SCGB2B2: variants seen among roughly 807,000 people sequenced by gnomAD.
The protein encoded by SCGB2B2 is secretoglobin family 2B member 2, also known as secretoglobin-like protein.
SCGB2B2 carries 11 observed loss-of-function variants against 7.6 expected under a neutral mutation model. The observed-to-expected ratio is 1.45, with a 90% confidence interval of 0.91 to 2.40. The LOEUF (loss-of-function observed/expected upper bound fraction) is 2.40. Ranked by LOEUF, SCGB2B2 falls within the 30% of genes most tolerant of loss-of-function variation. The pLI, the probability that SCGB2B2 is intolerant of heterozygous loss-of-function variation, is 0.00. For synonymous variants in SCGB2B2, 50 were observed against 48.6 expected, an observed-to-expected ratio of 1.03 and a Z score of -0.12; for missense variants, 104 against 115.4, an observed-to-expected ratio of 0.90 and a Z score of 0.45.
chr19:34,606,934 T>C (rs192726691), intron 1 of SCGB2B2, among the ~76,000 whole-genome samples: 157 of 152,208 alleles, frequency 1.0e-3, no homozygotes, highest in African/African-American at 3.5e-3. Flanking sequence ...CTCTCTACAA[T>C]AGAGTATTAT....
At chr19:34,630,784 A>G (rs575805653) in intron 1 of SCGB2B2, among the ~76,000 whole-genome samples, 1 of 152,242 alleles carries the variant, frequency 6.6e-6, no homozygotes, top group South Asian at 2.1e-4. Flanking sequence ...AAAGGATTAT[A>G]AATCATGCTG....
chr19:34,655,221 CATT>C (rs1040926989), intron 1 of SCGB2B2, among the ~76,000 whole-genome samples: 2 of 151,256 alleles, frequency 1.3e-5, no homozygotes, highest in Non-Finnish European at 2.9e-5. Flanking sequence ...AGACCTGCCT[CATT>C]ATACCCAATT....
At chr19:34,605,624 G>T (rs1168079352) in intron 1 of SCGB2B2, among the ~76,000 whole-genome samples, 1 of 152,136 alleles carries the variant, frequency 6.6e-6, no homozygotes, top group African/African-American at 2.4e-5. Context: ...TTGTTGCCCA[G>T]GCTGCCAGGC....
chr19:34,612,439 T>A (rs1169273807), intron 1 of SCGB2B2, among the ~76,000 whole-genome samples: 1 of 152,218 alleles, frequency 6.6e-6, no homozygotes. Context: ...ATAATCACAT[T>A]AGGGTAAATG....
intron 1 of SCGB2B2, among the ~76,000 whole-genome samples, chr19:34,652,950 G>A (rs866674248): frequency 3.3e-5 from 5 of 151,110 alleles, no homozygotes; most frequent in South Asian, 2.1e-4. Flanking sequence ...ACATGGAATC[G>A]ACTTAAGTGT....
At chr19:34,671,525 G>T (rs1318769631) in intron 1 of SCGB2B2, among the ~76,000 whole-genome samples, 2 of 151,902 alleles carry the variant, frequency 1.3e-5, no homozygotes, top group Non-Finnish European at 1.5e-5. Context: ...AAAGCATCGT[G>T]GGATTTTGAT....
chr19:34,616,276 A>G (rs1179223833), intron 1 of SCGB2B2, among the ~76,000 whole-genome samples: 1 of 148,770 alleles, frequency 6.7e-6, no homozygotes, highest in Non-Finnish European at 1.5e-5. Context: ...TGACTTACAC[A>G]ATGGTTGAAC....
intron 1 of SCGB2B2, among the ~76,000 whole-genome samples, chr19:34,647,777 A>G (rs35402677): frequency 4.6e-5 from 7 of 152,204 alleles, no homozygotes; most frequent in Non-Finnish European, 8.8e-5. Context: ...AGAAAATTGT[A>G]ATAGTGATGA....
At chr19:34,609,110 T>TAAA (rs1423585562) in intron 1 of SCGB2B2, among the ~76,000 whole-genome samples, 3 of 152,228 alleles carry the variant, frequency 2.0e-5, no homozygotes, top group African/African-American at 7.2e-5. Context: ...TGACCATTTG[T>TAAA]ATGTCATCTT....
rs1446851701 is a variant in SCGB2B2, at chr19:34,591,105, A to G, written c.*2450T>C. On this transcript the variant is annotated 3_prime_UTR_variant, in exon 4 of 4. Transcript: ENST00000601241. ...TTACATGTTTTTGTCTCCAGGCCCA[A>G]CTATTCCATGAGCTCCAAACTAGAG... is the stretch of plus-strand genomic sequence containing the variant. Among the ~76,000 whole-genome samples the G allele has an allele frequency of 6.6e-6, 1 of 152,150 alleles. No homozygotes were observed. Among genetic ancestry groups the G allele is most frequent in the Non-Finnish European group, 1.5e-5 (1 of 68,028 alleles).
chr19:34,635,466 T>C, intron 1 of SCGB2B2: 1 of 296,338 alleles, frequency 3.4e-6, no homozygotes, highest in South Asian at 4.2e-5. Context: ...TTTCTTGTGT[T>C]GAACAAGATG....
chr19:34,664,288 A>C (rs1402260842), intron 1 of SCGB2B2, among the ~76,000 whole-genome samples: 1 of 152,246 alleles, frequency 6.6e-6, no homozygotes, highest in Non-Finnish European at 1.5e-5. Flanking sequence ...TGCAGGCCCC[A>C]AGGCCAGACT....
chr19:34,641,385 GC>G (rs1049987531), intron 1 of SCGB2B2, among the ~76,000 whole-genome samples: 1 of 152,166 alleles, frequency 6.6e-6, no homozygotes, highest in Non-Finnish European at 1.5e-5. Flanking sequence ...CCGTGCTGAG[GC>G]CAAGTAAGTC....
intron 1 of SCGB2B2, 147 bp downstream of exon 1, chr19:34,675,483 C>A (rs2067900153): frequency 6.6e-6 from 1 of 152,244 alleles, no homozygotes. Flanking sequence ...ACCTACTTCC[C>A]AGACACTTAA....
chr19:34,593,108 G>A lies in SCGB2B2; in HGVS notation c.*447C>T, dbSNP rs895305960. 6.6e-6 allele frequency among the ~76,000 whole-genome samples: 1 copy of A among 152,120 alleles called. No homozygotes were observed. Among genetic ancestry groups the A allele is most frequent in the Non-Finnish European group, 1.5e-5 (1 of 68,030 alleles). ...AGGTTGAGGTAGGTGGATCATTTGC[G>A]GTCAGGAGTTTGAGACCAGCCTGGC... On this transcript the variant is annotated 3_prime_UTR_variant, in exon 4 of 4. Coordinates refer to ENST00000601241, the MANE Select transcript of SCGB2B2 (RefSeq NM_001025591.4).
Position 34,593,282 on chromosome 19 carries a change from TG to T in SCGB2B2, c.*272del. 2.6e-6 allele frequency: 1 copy of T among 390,004 alleles called. No individual in the cohort carries two copies. Among genetic ancestry groups the T allele is most frequent in the Non-Finnish European group, 4.7e-6 (1 of 214,870 alleles). The allele number at this position is 390,004 out of a possible 1,614,324, so 24.2% of individuals were successfully genotyped here. ...CTGCAGTGAGCCAAGATCGCGCCAA[TG>T]CACTCCAGCCACCCTCCTCCCCGCC... On this transcript the variant is annotated 3_prime_UTR_variant, in exon 4 of 4. Coordinates refer to ENST00000601241, the MANE Select transcript of SCGB2B2 (RefSeq NM_001025591.4).
At chr19:34,599,565 C>A (rs1294631381) in intron 1 of SCGB2B2, among the ~76,000 whole-genome samples, 1 of 152,246 alleles carries the variant, frequency 6.6e-6, no homozygotes, top group Middle Eastern at 3.4e-3. Context: ...TTATTCACTA[C>A]CATGAGAACA....
At chr19:34,655,704 G>A (rs2067263746) in intron 1 of SCGB2B2, among the ~76,000 whole-genome samples, 1 of 151,320 alleles carries the variant, frequency 6.6e-6, no homozygotes, top group Admixed American at 6.6e-5. Flanking sequence ...GATACCTTCT[G>A]GTTCACAGGC....
At chr19:34,649,968 G>A (rs1171428561) in intron 1 of SCGB2B2, among the ~76,000 whole-genome samples, 2 of 151,196 alleles carry the variant, frequency 1.3e-5, no homozygotes, top group East Asian at 3.9e-4. Flanking sequence ...TGAACCCTCA[G>A]CCCCACCATT....
Sources: allele counts gnomAD v4.1 joint callset (sites outside exome capture counted in the v4.1 genomes callset), GRCh38; gene constraint gnomAD v4.1.1; transcripts MANE v1.5; gene names NCBI Gene and HGNC (gene_info 2026-07-23, HGNC 2026-07-21).